The following PLD5 variants were observed in gnomAD, a reference collection of about 807,000 sequenced individuals.
PLD5 encodes phospholipase D family member 5.
PLD5 carries 36 observed loss-of-function variants against 61.1 expected under a neutral mutation model. The ratio of observed to expected loss-of-function variants is 0.59; its 90% CI spans 0.45 to 0.78. The LOEUF is 0.78. Ranked by LOEUF, PLD5 falls within the 30% of genes least tolerant of loss-of-function variation. The pLI is 0.00. For synonymous variants in PLD5, 243 were observed against 242.8 expected, an observed-to-expected ratio of 1.00 and a Z score of -0.01; for missense variants, 515 against 644.4, an observed-to-expected ratio of 0.80 and a Z score of 2.17.
chr1:242,524,413 C>A lies in PLD5; in HGVS notation c.-137G>T, dbSNP rs1482270045. ...GACTGAGCTGGAGGAGCTGGAGGAG[C>A]GAGCGGGCGCGGGGAGCGCGGGGTG... On this transcript the variant is annotated 5_prime_UTR_variant, in exon 1 of 10. Transcript: ENST00000536534. The A allele has an allele frequency of 9.2e-6, 8 of 870,426 alleles. No individual in the cohort carries two copies. The highest frequency in any genetic ancestry group is 3.6e-5 in the African/African-American group (2 of 55,946). 53.9% of individuals were successfully genotyped at this position (870,426 alleles called of 1,614,324 possible).
chr1:242,378,594 A>C (rs1662102418), intron 1 of PLD5, among the ~76,000 whole-genome samples: 1 of 152,158 alleles, frequency 6.6e-6, no homozygotes, highest in Non-Finnish European at 1.5e-5. Flanking sequence ...TAATCCCAGC[A>C]CTTTGGTAGG....
chr1:242,457,445 C>T (rs1305829578), intron 1 of PLD5, among the ~76,000 whole-genome samples: 2 of 152,012 alleles, frequency 1.3e-5, no homozygotes, highest in Non-Finnish European at 2.9e-5. Flanking sequence ...TACAGTAAAC[C>T]GAGGAAGAGA....
chr1:242,284,272 G>C lies in PLD5; in HGVS notation c.495+4090C>G, dbSNP rs187961074. 2.3e-3 allele frequency among the ~76,000 whole-genome samples: 356 copies of C among 151,690 alleles called. 2 individuals are homozygous for C. Among genetic ancestry groups the C allele is most frequent in the African/African-American group, 8.1e-3 (337 of 41,390 alleles). On this transcript the variant is annotated intron_variant, in intron 3 of 9. Transcript: ENST00000536534. ...TCTGTTTCAGCCTCCTGGGTAGCTG[G>C]GATTACAGGCATGTGCCACCACGCC...
At position 242,458,780 on chromosome 1, in the gene PLD5, C is replaced by A. The variant is rs1667021869; in HGVS notation, c.189+65308G>T. Among the ~76,000 whole-genome samples, 5 of 152,158 alleles carry A rather than the reference C, an allele frequency of 3.3e-5. No individual in the cohort carries two copies. In the South Asian group the frequency reaches 1.0e-3, roughly 32 times the overall value. The stretch of plus-strand genomic sequence containing the variant: ...TATTGACTCATCCTTTAATCAATAT[C>A]ATAGTATTTTAATAGTCAGAGCCAG... On this transcript the variant is annotated intron_variant, in intron 1 of 9. Transcript: ENST00000536534.
intron 1 of PLD5, among the ~76,000 whole-genome samples, chr1:242,413,944 G>C (rs1022186418): frequency 6.6e-6 from 1 of 152,166 alleles, no homozygotes; most frequent in African/African-American, 2.4e-5. Context: ...TTGTCCTGCA[G>C]ATAACAGGGG....
intron 3 of PLD5, among the ~76,000 whole-genome samples, chr1:242,271,784 A>G (rs2149113287): frequency 6.6e-6 from 1 of 152,264 alleles, no homozygotes; most frequent in South Asian, 2.1e-4. Flanking sequence ...GGGAGAAGAA[A>G]TAAGTGAGGA....
intron 2 of PLD5, among the ~76,000 whole-genome samples, chr1:242,323,619 C>T (rs1402961760): frequency 1.3e-5 from 2 of 152,204 alleles, no homozygotes; most frequent in Non-Finnish European, 2.9e-5. Flanking sequence ...TGCCTGCAGC[C>T]TTTCTCCAGT....
chr1:242,445,416 A>G (rs563221113), intron 1 of PLD5, among the ~76,000 whole-genome samples: 20 of 152,238 alleles, frequency 1.3e-4, no homozygotes, highest in African/African-American at 3.9e-4. Flanking sequence ...ATCTCAGTTC[A>G]CTGCAACCTC....
chr1:242,384,000 T>C (rs1444183653), intron 1 of PLD5, among the ~76,000 whole-genome samples: 1 of 152,216 alleles, frequency 6.6e-6, no homozygotes, highest in Non-Finnish European at 1.5e-5. Context: ...AGCACTTGCA[T>C]TGCTAGAGGA....
At chr1:242,355,101 T>C (rs1308089077) in intron 1 of PLD5, among the ~76,000 whole-genome samples, 2 of 152,150 alleles carry the variant, frequency 1.3e-5, no homozygotes, top group South Asian at 4.1e-4. Flanking sequence ...GTGATGTCCT[T>C]GTCTGGCTTT....
rs1553337783 is a variant in PLD5, at chr1:242,259,307, C to CTCTCTCTCT, written c.607+6029_607+6030insAGAGAGAGA. On this transcript the variant is annotated intron_variant, in intron 4 of 9. Transcript: ENST00000536534. ...CTGGGTGATGGAGCAAGACATCACC[C>CTCTCTCTCT]CTCTCTCTCTCTCTCTCTCAAAAAA... 2.9e-3 allele frequency among the ~76,000 whole-genome samples: 418 copies of CTCTCTCTCT among 145,824 alleles called. 1 individual carries two copies. The highest frequency in any genetic ancestry group is 4.4e-3 in the Non-Finnish European group (288 of 66,170).
intron 5 of PLD5, among the ~76,000 whole-genome samples, chr1:242,149,538 T>C (rs544490604): frequency 1.3e-4 from 20 of 151,738 alleles, no homozygotes; most frequent in African/African-American, 4.8e-4. Context: ...GAAGAGTTTG[T>C]GGAGAATTGT....
chr1:242,372,656 G>T (rs1027518869), intron 1 of PLD5, among the ~76,000 whole-genome samples: 4 of 152,150 alleles, frequency 2.6e-5, no homozygotes, highest in African/African-American at 9.7e-5. Context: ...ACAACCATCT[G>T]ATCTTTGACA....
intron 1 of PLD5, among the ~76,000 whole-genome samples, chr1:242,411,351 T>G (rs1664544014): frequency 6.6e-6 from 1 of 152,220 alleles, no homozygotes; most frequent in Admixed American, 6.5e-5. Context: ...TTCTCCTGCC[T>G]CAGCCTCCCG....
chr1:242,431,223 T>C (rs1349424758), intron 1 of PLD5, among the ~76,000 whole-genome samples: 2 of 152,194 alleles, frequency 1.3e-5, no homozygotes, highest in African/African-American at 4.8e-5. Context: ...ACAATAATTC[T>C]CCATTTCCCC....
At chr1:242,349,049 A>G (rs562881172) in intron 1 of PLD5, among the ~76,000 whole-genome samples, 10 of 152,274 alleles carry the variant, frequency 6.6e-5, no homozygotes, top group South Asian at 4.1e-4. Flanking sequence ...GCGAGACTCC[A>G]TCTCAAACAA....
chr1:242,083,787 ATCC>A lies in PLD5; in HGVS notation c.*6064_*6066del, dbSNP rs1422501693. ...TTCTGAGTTGTCTTTAAAGATCTTC[ATCC>A]TCTATTTATATTGGAAAGTAACATA... is the stretch of plus-strand genomic sequence containing the variant. On this transcript the variant is annotated 3_prime_UTR_variant, in exon 10 of 10. Transcript: ENST00000536534. The A allele has an allele frequency of 6.6e-6, 1 of 152,196 alleles. No individual in the cohort carries two copies. Among genetic ancestry groups the A allele is most frequent in the African/African-American group, 2.4e-5 (1 of 41,450 alleles). 9.4% of individuals were successfully genotyped at this position (152,196 alleles called of 1,614,324 possible).
At chr1:242,481,804 C>A (rs965696489) in intron 1 of PLD5, among the ~76,000 whole-genome samples, 39 of 152,300 alleles carry the variant, frequency 2.6e-4, no homozygotes, top group African/African-American at 7.7e-4. Context: ...CTGAGAGGCA[C>A]CCCCTAGTAG....
Position 242,137,609 on chromosome 1 carries a change from A to T in PLD5, c.736-12944T>A, listed in dbSNP as rs75726144. Among the ~76,000 whole-genome samples the T allele has an allele frequency of 3.9e-5, 6 of 152,328 alleles. No homozygotes were observed. In the East Asian group the frequency reaches 1.2e-3, roughly 29 times the overall value. On this transcript the variant is annotated intron_variant, in intron 5 of 9. Transcript: ENST00000536534. ...ATGTGTTGAAGATTTTCCATTAGCC[A>T]GCCCAGTGTGGTTCGAACTTGCAAG...
Sources: allele counts gnomAD v4.1 joint callset (sites outside exome capture counted in the v4.1 genomes callset), GRCh38; gene constraint gnomAD v4.1.1; transcripts MANE v1.5; gene names NCBI Gene and HGNC (gene_info 2026-07-23, HGNC 2026-07-21).